The following ZNF106 variants were observed in gnomAD, a reference collection of about 807,000 sequenced individuals.
ZNF106 encodes SH3-domain binding protein 3.
A neutral mutation model predicts 195.1 loss-of-function variants in ZNF106; 67 were observed. The observed-to-expected ratio is 0.34, with a 90% CI of 0.28 to 0.42. ZNF106 has a LOEUF of 0.42. Ranked by LOEUF, ZNF106 falls within the 10% of genes least tolerant of loss-of-function variation. The pLI, the probability that ZNF106 is intolerant of heterozygous loss-of-function variation, is 1.00. For missense variants in ZNF106, 2,118 were observed against 2,304.5 expected, an observed-to-expected ratio of 0.92 and a Z score of 1.66; for synonymous variants, 784 against 818.6, an observed-to-expected ratio of 0.96 and a Z score of 0.72.
intron 10 of ZNF106, chr15:42,441,706 C>G (rs1320170423): frequency 6.1e-6 from 1 of 163,634 alleles, no homozygotes; most frequent in Non-Finnish European, 1.3e-5. Context: ...ATTATATAGA[C>G]AGTAAGTGCA....
chr15:42,435,625 C>G, intron 13 of ZNF106, 107 bp from the exon 14 acceptor site: 1 of 1,383,506 alleles, frequency 7.2e-7, no homozygotes, highest in Non-Finnish European at 1.0e-6. Flanking sequence ...CTGCTGTATC[C>G]TCATGTCTAA....
chr15:42,464,383 A>T (rs1247967214), intron 3 of ZNF106, among the ~76,000 whole-genome samples: 2 of 151,830 alleles, frequency 1.3e-5, no homozygotes, highest in Non-Finnish European at 2.9e-5. Context: ...ACTATTATTC[A>T]TGGGATAAGA....
intron 2 of ZNF106, among the ~76,000 whole-genome samples, chr15:42,467,939 C>T (rs1034975604): frequency 1.2e-4 from 19 of 152,172 alleles, no homozygotes; most frequent in Admixed American, 8.5e-4. Context: ...CCATGTCACA[C>T]TGTAAGCATT....
intron 10 of ZNF106, among the ~76,000 whole-genome samples, chr15:42,440,983 TA>T (rs35854257): frequency 0.019 from 380 of 19,802 alleles, 12 homozygotes; most frequent in African/African-American, 0.028. Flanking sequence ...AAACTCTGTC[TA>T]AAAAAAAAAA....
intron 3 of ZNF106, chr15:42,457,555 A>G (rs1187780549): frequency 1.9e-6 from 2 of 1,042,554 alleles, no homozygotes; most frequent in Non-Finnish European, 2.3e-6. Context: ...GACAGCGCTT[A>G]CATTTAATCT....
At chr15:42,419,303 G>T (rs1271959651) in intron 20 of ZNF106, among the ~76,000 whole-genome samples, 1 of 152,020 alleles carries the variant, frequency 6.6e-6, no homozygotes, top group African/African-American at 2.4e-5. Flanking sequence ...GGAAGTGGAG[G>T]CTGCAGTGAG....
At chr15:42,425,322 A>T in intron 15 of ZNF106, 1 of 313,916 alleles carries the variant, frequency 3.2e-6, no homozygotes, top group Admixed American at 4.5e-5. Context: ...TTCTTTCACC[A>T]CCTGTAAGTT....
intron 1 of ZNF106, among the ~76,000 whole-genome samples, chr15:42,487,638 A>T (rs1054074005): frequency 6.6e-6 from 1 of 152,066 alleles, no homozygotes; most frequent in Admixed American, 6.6e-5. Flanking sequence ...GCATGAAAAT[A>T]CAAAACATAA....
intron 2 of ZNF106, among the ~76,000 whole-genome samples, chr15:42,466,789 C>T (rs1168434974): frequency 6.6e-6 from 1 of 152,156 alleles, no homozygotes; most frequent in Admixed American, 6.5e-5. Flanking sequence ...TAGTAGGTTC[C>T]CTTCTTCCCA....
chr15:42,487,090 C>A (rs1271412469), intron 1 of ZNF106, among the ~76,000 whole-genome samples: 2 of 152,012 alleles, frequency 1.3e-5, no homozygotes, highest in East Asian at 3.8e-4. Flanking sequence ...GCAGAGGTTG[C>A]AGTGAGCAGA....
rs757673627 is a variant in ZNF106 at position 42,438,645 on chromosome 15, TCA to T, written c.4565_4566del (p.Val1522AspfsTer20). The T allele has an allele frequency of 6.2e-7, 1 of 1,613,918 alleles. No individual in the cohort carries two copies. Among genetic ancestry groups the T allele is most frequent in the South Asian group, 1.1e-5 (1 of 91,042 alleles). The part of the protein sequence containing the change: ...IPVSVAETQT[V>X]ISSIKGSKNS... The stretch of plus-strand genomic sequence containing the variant: ...TTCTTTGATCCTTTTATGGAGGAGA[TCA>T]CAGTCTGAGTTTCTGCCACACTACA... On this transcript the variant is annotated frameshift_variant, in exon 12 of 22. Transcript: ENST00000564754. LOFTEE classifies it high-confidence loss of function.
intron 1 of ZNF106, among the ~76,000 whole-genome samples, chr15:42,483,246 G>A (rs1309710917): frequency 2.0e-5 from 3 of 152,108 alleles, no homozygotes; most frequent in Non-Finnish European, 4.4e-5. Context: ...TGTTATCTGT[G>A]GGGGCATTGG....
At chr15:42,422,354 G>T in intron 18 of ZNF106, 147 bp downstream of exon 18, 1 of 1,105,036 alleles carries the variant, frequency 9.0e-7, no homozygotes, top group Non-Finnish European at 1.3e-6. Flanking sequence ...GCAGTCCACA[G>T]GCCAGCTGTT....
intron 3 of ZNF106, 65 bp downstream of exon 3, chr15:42,465,988 C>G (rs927288337): frequency 1.6e-4 from 211 of 1,312,566 alleles, no homozygotes; most frequent in Middle Eastern, 2.0e-4. Flanking sequence ...AACAAACTGA[C>G]AGGCACCATC....
intron 3 of ZNF106, among the ~76,000 whole-genome samples, chr15:42,465,530 G>A (rs2056495538): frequency 6.6e-6 from 1 of 151,844 alleles, no homozygotes; most frequent in South Asian, 2.1e-4. Flanking sequence ...TTCCACCCTG[G>A]GCTCCCAAAG....
chr15:42,422,664 A>T, intron 17 of ZNF106, 44 bp from the exon 18 acceptor site: 1 of 1,561,290 alleles, frequency 6.4e-7, no homozygotes, highest in Non-Finnish European at 8.6e-7. Context: ...GACTTTCGAG[A>T]CTCCTTCCTG....
intron 7 of ZNF106, among the ~76,000 whole-genome samples, chr15:42,446,172 T>C (rs1373642067): frequency 6.6e-6 from 1 of 152,220 alleles, no homozygotes; most frequent in African/African-American, 2.4e-5. Context: ...ATCAAACTTT[T>C]CTTTCCTCTT....
At chr15:42,473,746 G>C (rs1355836017) in intron 1 of ZNF106, among the ~76,000 whole-genome samples, 1 of 152,076 alleles carries the variant, frequency 6.6e-6, no homozygotes, top group East Asian at 1.9e-4. Flanking sequence ...AACAATATCT[G>C]CTACCCCATG....
intron 2 of ZNF106, among the ~76,000 whole-genome samples, chr15:42,468,419 T>A (rs967925392): frequency 6.6e-5 from 10 of 151,800 alleles, no homozygotes; most frequent in Non-Finnish European, 1.3e-4. Flanking sequence ...AAGATTACCA[T>A]CGTTTCCTTC....
Sources: gnomAD v4.1 joint callset for allele counts (sites outside exome capture counted in the v4.1 genomes callset) on GRCh38, gnomAD v4.1.1 for gene constraint, MANE v1.5 for transcripts, NCBI Gene and HGNC (gene_info 2026-07-23, HGNC 2026-07-21) for gene names.